The following NUP35 variants were observed in gnomAD, a reference collection of about 807,000 sequenced individuals.
NUP35 encodes nucleoporin 35.
In NUP35, 25 loss-of-function variants were observed where a neutral mutation model predicts 41.5. That is an observed-to-expected ratio of 0.60 (90% CI 0.44 to 0.84). The LOEUF is 0.84. Among genes scored for constraint, NUP35 ranks in the 40% least tolerant of loss-of-function variants. The pLI, the probability that NUP35 is intolerant of heterozygous loss-of-function variation, is 0.00. For synonymous variants in NUP35, 149 were observed against 130.7 expected (o/e 1.14, Z -0.96); for missense variants, 396 against 396.6 (o/e 1.00, Z 0.01).
chr2:183,129,295 C>T (rs569865328), intron 2 of NUP35, among the ~76,000 whole-genome samples: 2 of 152,254 alleles, frequency 1.3e-5, no homozygotes, highest in African/African-American at 2.4e-5. Context: ...TATTACAGAA[C>T]TCCTTTAGCA....
At chr2:183,130,875 A>G (rs1684674269) in intron 3 of NUP35, 1 of 752,442 alleles carries the variant, frequency 1.3e-6, no homozygotes, top group East Asian at 6.8e-5. Context: ...AAGAAGTTTA[A>G]TATTTAATAT....
chr2:183,157,613 T>G (rs1685716166), intron 6 of NUP35, 100 bp downstream of exon 6: 2 of 851,830 alleles, frequency 2.3e-6, no homozygotes, highest in East Asian at 5.0e-5. Flanking sequence ...TTTTTAAACT[T>G]AAATTTTTTT....
intron 1 of NUP35, among the ~76,000 whole-genome samples, chr2:183,119,090 T>G: frequency 6.6e-6 from 1 of 152,168 alleles, no homozygotes; most frequent in Admixed American, 6.5e-5. Flanking sequence ...CTTTCCCAAC[T>G]CCTTGGATCT....
At chr2:183,160,917 C>T in intron 8 of NUP35, 137 bp from the exon 9 acceptor site, 1 of 615,336 alleles carries the variant, frequency 1.6e-6, no homozygotes, top group East Asian at 3.0e-5. Flanking sequence ...CCCGTCTCTA[C>T]TAAAAATACA....
chr2:183,133,379 G>T (rs1684763594), intron 3 of NUP35, among the ~76,000 whole-genome samples, 187 bp from the exon 4 acceptor site: 1 of 149,772 alleles, frequency 6.7e-6, no homozygotes. Flanking sequence ...AATACTAAGG[G>T]ATCTAGTAAA....
chr2:183,136,364 G>C (rs1420085523), intron 4 of NUP35, among the ~76,000 whole-genome samples: 2 of 152,220 alleles, frequency 1.3e-5, no homozygotes, highest in Admixed American at 6.5e-5. Context: ...CAACAGGGCT[G>C]TGTTTCTGTC....
At chr2:183,142,193 G>C (rs542245544) in intron 4 of NUP35, among the ~76,000 whole-genome samples, 15 of 152,078 alleles carry the variant, frequency 9.9e-5, no homozygotes, top group African/African-American at 3.6e-4. Flanking sequence ...GTCTTGGTGT[G>C]GAACTTTTTC....
intron 4 of NUP35, among the ~76,000 whole-genome samples, chr2:183,136,049 G>A (rs1684864464): frequency 6.6e-6 from 1 of 152,204 alleles, no homozygotes; most frequent in African/African-American, 2.4e-5. Flanking sequence ...GGCAGTCTGT[G>A]AGCACTCATT....
rs1454852202 is a variant in NUP35 at position 183,157,330 on chromosome 2, T to G, written c.540-114T>G. 66 of 803,398 alleles carry G rather than the reference T, an allele frequency of 8.2e-5. No homozygotes were observed. The South Asian group carries it at 8.9e-4, about 11-fold the overall frequency. The allele number at this position is 803,398 out of a possible 1,614,324, so 49.8% of individuals were successfully genotyped here. On this transcript the variant is annotated intron_variant, in intron 5 of 8. Coordinates refer to ENST00000295119, the MANE Select transcript of NUP35 (RefSeq NM_138285.5). Reference sequence around the variant, plus strand: ...GAAAACAGGATGATCAGCACTCTCCTGTTAACGTTCTAGACAGTTGGGGGC... The same window carrying G: ...GAAAACAGGATGATCAGCACTCTCCGGTTAACGTTCTAGACAGTTGGGGGC...
intron 3 of NUP35, among the ~76,000 whole-genome samples, chr2:183,132,128 A>G (rs779639301): frequency 1.3e-5 from 2 of 151,904 alleles, no homozygotes; most frequent in Non-Finnish European, 2.9e-5. Flanking sequence ...GGCTCAAGTG[A>G]TCCTCCCACC....
In NUP35 at chr2:183,158,338, G is replaced by A. The variant is rs750517565; in HGVS notation, c.665G>A (p.Arg222Gln). 9.3e-6 allele frequency: 15 copies of A among 1,608,150 alleles called. No homozygotes were observed. In the Admixed American group the frequency reaches 1.5e-4, roughly 16 times the overall value. The stretch of plus-strand genomic sequence containing the variant: ...CGTTATCAATCTAAACTGCAGGCTC[G>A]GAAAGCCTTAAGCAAAGATGGGAGG... ...HIRYQSKLQARKALSKDGRIF... is the reference protein window; with the variant it reads ...HIRYQSKLQAQKALSKDGRIF... The change falls in exon 7 of 9, where the codon CGG becomes CAG. Residue 222 changes from arginine (R) to glutamine (Q), a missense_variant. Physicochemically the swap from Arg to Gln is conservative, Grantham distance 43 (BLOSUM62 1). Transcript: ENST00000295119.
chr2:183,160,805 G>A (rs188511685), intron 8 of NUP35: 136 of 264,696 alleles, frequency 5.1e-4, no homozygotes, highest in Non-Finnish European at 9.2e-4. Context: ...AATTCAGGCC[G>A]GGCGCAGGGG....
intron 4 of NUP35, among the ~76,000 whole-genome samples, chr2:183,135,679 T>C (rs559099771): frequency 1.1e-4 from 17 of 152,068 alleles, no homozygotes; most frequent in Admixed American, 1.0e-3. Flanking sequence ...CAGGGAAAGA[T>C]GGAACATAAG....
chr2:183,125,249 A>G (rs1274661020), intron 1 of NUP35, among the ~76,000 whole-genome samples: 3 of 151,882 alleles, frequency 2.0e-5, no homozygotes, highest in Admixed American at 6.5e-5. Context: ...TTTGAAAAAA[A>G]TCTACCACTT....
chr2:183,128,650 A>C (rs1044588566), intron 2 of NUP35, among the ~76,000 whole-genome samples, 193 bp downstream of exon 2: 1 of 152,158 alleles, frequency 6.6e-6, no homozygotes, highest in Admixed American at 6.5e-5. Context: ...AAGAAAGTTT[A>C]CCAATTTGTG....
chr2:183,138,265 A>ATTTTT (rs1167656474), intron 4 of NUP35, among the ~76,000 whole-genome samples: 76 of 69,162 alleles, frequency 1.1e-3, no homozygotes, highest in East Asian at 1.7e-3. Context: ...ATATATATAT[A>ATTTTT]TATATTTTTT....
At chr2:183,121,690 A>G, upstream of NUP35, among the ~76,000 whole-genome samples, 1 of 151,158 alleles carries the variant, frequency 6.6e-6, no homozygotes, top group Non-Finnish European at 1.5e-5. Context: ...AAAAAAAATG[A>G]GTTGGGTGTG....
chr2:183,126,492 A>G (rs181981265), intron 1 of NUP35, among the ~76,000 whole-genome samples: 9 of 152,290 alleles, frequency 5.9e-5, no homozygotes, highest in Non-Finnish European at 7.4e-5. Context: ...GCTTTTGTTT[A>G]GACTTTTGGT....
At chr2:183,159,401 TTTTAA>T in intron 7 of NUP35, 82 bp from the exon 8 acceptor site, 1 of 1,024,362 alleles carries the variant, frequency 9.8e-7, no homozygotes, top group South Asian at 2.0e-5. Flanking sequence ...CATCTTTATC[TTTTAA>T]TTAAATTTTC....
Sources: allele counts gnomAD v4.1 joint callset (sites outside exome capture counted in the v4.1 genomes callset), GRCh38; gene constraint gnomAD v4.1.1; transcripts MANE v1.5; gene names NCBI Gene and HGNC (gene_info 2026-07-23, HGNC 2026-07-21).